Variants in NALF1 observed in about 807,000 individuals in gnomAD.
NALF1 encodes the protein NALCN channel auxiliary factor 1.
Under a neutral mutation model 48.4 loss-of-function variants are expected in NALF1, and 3 were observed. The ratio of observed to expected loss-of-function variants is 0.06; its 90% confidence interval spans 0.03 to 0.16. The LOEUF (loss-of-function observed/expected upper bound fraction) is 0.16, where lower values mean the gene tolerates loss of function less well. NALF1 is among the 10% of genes least tolerant of loss of function. The pLI is 1.00. For synonymous variants in NALF1, 262 were observed against 245.7 expected, an observed-to-expected ratio of 1.07 and a Z score of -0.62; for missense variants, 526 against 571.5, an observed-to-expected ratio of 0.92 and a Z score of 0.81.
chr13:107,334,966 T>C (rs1882529855), intron 1 of NALF1, among the ~76,000 whole-genome samples: 1 of 152,100 alleles, frequency 6.6e-6, no homozygotes, highest in South Asian at 2.1e-4. Flanking sequence ...GTGTTTTTTG[T>C]GGTTTTGGTT....
intron 1 of NALF1, among the ~76,000 whole-genome samples, chr13:107,237,818 T>C (rs1352475306): frequency 1.3e-5 from 2 of 152,166 alleles, no homozygotes; most frequent in African/African-American, 4.8e-5. Context: ...CATATATGTA[T>C]ATTGGGTGAA....
intron 1 of NALF1, among the ~76,000 whole-genome samples, chr13:107,604,505 C>G (rs891372212): frequency 6.6e-6 from 1 of 152,060 alleles, no homozygotes; most frequent in Non-Finnish European, 1.5e-5. Context: ...CAAAACATTG[C>G]TGATTTCAGA....
At chr13:107,587,052 G>A (rs1332451604) in intron 1 of NALF1, among the ~76,000 whole-genome samples, 2 of 152,006 alleles carry the variant, frequency 1.3e-5, no homozygotes, top group Non-Finnish European at 2.9e-5. Flanking sequence ...ACGAGTATCT[G>A]ATTCTTGCTC....
intron 1 of NALF1, among the ~76,000 whole-genome samples, chr13:107,455,054 T>C (rs1231333430): frequency 6.6e-6 from 1 of 152,196 alleles, no homozygotes; most frequent in Non-Finnish European, 1.5e-5. Context: ...TCCTCCATGC[T>C]GTTTTCATGA....
chr13:107,575,232 T>C (rs1161486208), intron 1 of NALF1, among the ~76,000 whole-genome samples: 1 of 152,026 alleles, frequency 6.6e-6, no homozygotes, highest in Admixed American at 6.5e-5. Flanking sequence ...TCAAAACTGG[T>C]AGAGTTCAGG....
At chr13:107,606,280 A>ACG (rs1555312001) in intron 1 of NALF1, among the ~76,000 whole-genome samples, 3 of 151,210 alleles carry the variant, frequency 2.0e-5, no homozygotes, top group Non-Finnish European at 4.4e-5. Flanking sequence ...ATATATATAT[A>ACG]TGTGTGTGTT....
At chr13:107,614,922 A>G (rs897782850) in intron 1 of NALF1, among the ~76,000 whole-genome samples, 3 of 151,868 alleles carry the variant, frequency 2.0e-5, no homozygotes, top group Non-Finnish European at 4.4e-5. Context: ...GATTACAGGC[A>G]CCCACCACCA....
At chr13:107,351,876 C>G (rs1296467190) in intron 1 of NALF1, among the ~76,000 whole-genome samples, 1 of 152,196 alleles carries the variant, frequency 6.6e-6, no homozygotes, top group Non-Finnish European at 1.5e-5. Context: ...CATCCTGACA[C>G]ACTGGGAAGC....
At chr13:107,373,064 T>A (rs1278958480) in intron 1 of NALF1, among the ~76,000 whole-genome samples, 5 of 152,326 alleles carry the variant, frequency 3.3e-5, no homozygotes, top group African/African-American at 1.2e-4. Flanking sequence ...TTAGTTCATG[T>A]AATTATGTGA....
chr13:107,330,914 A>G (rs977578571), intron 1 of NALF1, among the ~76,000 whole-genome samples: 3 of 152,188 alleles, frequency 2.0e-5, no homozygotes, highest in African/African-American at 7.2e-5. Context: ...GCCTTTTTCT[A>G]TGTCTGCATT....
chr13:107,340,622 A>ACAAATAGAGTCATGTTTGAGGATGTC (rs1882663156), intron 1 of NALF1, among the ~76,000 whole-genome samples: 2 of 151,922 alleles, frequency 1.3e-5, no homozygotes, highest in African/African-American at 4.8e-5. Context: ...GCAGTGGAAT[A>ACAAATAGAGTCATGTTTGAGGATGTC]CAAATAGAGT....
chr13:107,861,513 T>G (rs907747854), intron 1 of NALF1, among the ~76,000 whole-genome samples: 11 of 152,296 alleles, frequency 7.2e-5, no homozygotes, highest in South Asian at 4.1e-4. Flanking sequence ...GGCCAGGCGC[T>G]GTGGCTCACA....
chr13:107,371,500 T>C (rs1034437288), intron 1 of NALF1, among the ~76,000 whole-genome samples: 1 of 152,060 alleles, frequency 6.6e-6, no homozygotes, highest in Non-Finnish European at 1.5e-5. Context: ...ATCATCACAG[T>C]GAAAACCCCA....
At chr13:107,361,834 C>T (rs9520399) in intron 1 of NALF1, among the ~76,000 whole-genome samples, 64 of 151,712 alleles carry the variant, frequency 4.2e-4, no homozygotes, top group Admixed American at 1.6e-3. Context: ...CGCTGGTCTT[C>T]GCACTTTGCA....
chr13:107,784,479 C>T (rs1878013507), intron 1 of NALF1, among the ~76,000 whole-genome samples: 1 of 152,022 alleles, frequency 6.6e-6, no homozygotes, highest in Non-Finnish European at 1.5e-5. Context: ...ACAGATGAAA[C>T]ATTTTAAGGT....
chr13:107,799,026 A>C (rs578095545), intron 1 of NALF1, among the ~76,000 whole-genome samples: 3 of 152,324 alleles, frequency 2.0e-5, no homozygotes, highest in Non-Finnish European at 4.4e-5. Flanking sequence ...TATATAATAC[A>C]AGTCCTGTGA....
chr13:107,301,447 T>C (rs1161428400), intron 1 of NALF1, among the ~76,000 whole-genome samples: 1 of 152,168 alleles, frequency 6.6e-6, no homozygotes, highest in Non-Finnish European at 1.5e-5. Context: ...CTCCAAAACA[T>C]GGACAACAAA....
At chr13:107,659,512 CT>C (rs68180355) in intron 1 of NALF1, among the ~76,000 whole-genome samples, 84,908 of 148,982 alleles carry the variant, frequency 0.57, 24,777 homozygotes, top group African/African-American at 0.72. Context: ...TATTTGGCAT[CT>C]TTTTTTTTTT....
chr13:107,829,505 A>T (rs1051434254), intron 1 of NALF1, among the ~76,000 whole-genome samples: 29 of 152,182 alleles, frequency 1.9e-4, no homozygotes, highest in Admixed American at 1.9e-3. Context: ...GGTGAAATAA[A>T]ATCAGATCTT....
Sources: gnomAD v4.1 joint callset for allele counts (sites outside exome capture counted in the v4.1 genomes callset) on GRCh38, gnomAD v4.1.1 for gene constraint, MANE v1.5 for transcripts, NCBI Gene and HGNC (gene_info 2026-07-23, HGNC 2026-07-21) for gene names.